Variants in SH3KBP1 observed in about 807,000 individuals in gnomAD.
The protein encoded by SH3KBP1 is SH3 domain containing kinase binding protein 1.
A neutral mutation model predicts 50.1 loss-of-function variants in SH3KBP1; 8 were observed. The ratio of observed to expected loss-of-function variants is 0.16; its 90% CI spans 0.09 to 0.29. SH3KBP1 has a LOEUF of 0.29. SH3KBP1 is among the 10% of genes least tolerant of loss of function. The probability of loss-of-function intolerance (pLI) is 1.00; values close to 1 mark genes in which losing one functional copy is unlikely to be tolerated. For synonymous variants in SH3KBP1, 227 were observed against 218.6 expected (o/e 1.04, Z -0.34); for missense variants, 377 against 535.2 (o/e 0.70, Z 2.92).
In SH3KBP1 at chrX:19,670,663, A is replaced by G. The variant is rs2062765312; in HGVS notation, c.726+13160T>C. Among the ~76,000 whole-genome samples, 4 of 109,952 alleles carry G rather than the reference A, an allele frequency of 3.6e-5. No individual in the cohort carries two copies. In the Admixed American group the frequency reaches 3.9e-4, roughly 11 times the overall value. On this transcript the variant is annotated intron_variant, in intron 6 of 17. Coordinates refer to ENST00000397821, the MANE Select transcript of SH3KBP1 (RefSeq NM_031892.3). The stretch of plus-strand genomic sequence containing the variant: ...CCAGAGTGACATTCAGCTTTAGCAA[A>G]TAATCCGTATACTTGATAGGTTCCT...
chrX:19,556,106 G>A (rs1453254272), intron 13 of SH3KBP1, among the ~76,000 whole-genome samples: 7 of 111,810 alleles, frequency 6.3e-5, no homozygotes, highest in African/African-American at 2.3e-4. Flanking sequence ...TTTTCCAGCA[G>A]GAAAAAAATG....
intron 3 of SH3KBP1, among the ~76,000 whole-genome samples, chrX:19,713,405 G>A (rs747553148): frequency 3.7e-5 from 4 of 108,950 alleles, no homozygotes; most frequent in South Asian, 8.0e-4. Flanking sequence ...TGGGACTACC[G>A]ATGTGAGCTA....
In SH3KBP1 at chrX:19,594,234, A is replaced by G. The variant is rs1484820300; in HGVS notation, c.1057+715T>C. ...ATAACTCATGGAGGAATTTTTCCCTATAATTAATTTTAACTATTATAAAGA... is the reference window on the plus strand; with the variant it reads ...ATAACTCATGGAGGAATTTTTCCCTGTAATTAATTTTAACTATTATAAAGA... On this transcript the variant is annotated intron_variant, in intron 10 of 17. Transcript: ENST00000397821. Among the ~76,000 whole-genome samples, 9 of 112,108 alleles carry G rather than the reference A, an allele frequency of 8.0e-5. No homozygotes were observed. The East Asian group carries it at 2.5e-3, about 31-fold the overall frequency.
intron 1 of SH3KBP1, among the ~76,000 whole-genome samples, chrX:19,868,117 T>C (rs1430068025): frequency 3.6e-5 from 4 of 112,218 alleles, no homozygotes; most frequent in Non-Finnish European, 7.5e-5. Flanking sequence ...GAGGTGATTA[T>C]TGCACACAAG....
At chrX:19,699,799 AC>A (rs1407505353) in intron 4 of SH3KBP1, among the ~76,000 whole-genome samples, 1 of 111,626 alleles carries the variant, frequency 9.0e-6, no homozygotes, top group Non-Finnish European at 1.9e-5. Flanking sequence ...CCCTTCTTGC[AC>A]CCCATTTGTA....
intron 6 of SH3KBP1, among the ~76,000 whole-genome samples, chrX:19,651,533 A>T (rs1019310392): frequency 4.4e-5 from 5 of 112,508 alleles, no homozygotes; most frequent in African/African-American, 1.3e-4. Flanking sequence ...AATAAAATTT[A>T]AAAAGTAATT....
At chrX:19,611,971 A>C (rs1323605485) in intron 8 of SH3KBP1, among the ~76,000 whole-genome samples, 1 of 108,409 alleles carries the variant, frequency 9.2e-6, no homozygotes, top group Admixed American at 9.9e-5. Flanking sequence ...AAAAAAAAAA[A>C]AAAAAAACAA....
chrX:19,629,626 C>T (rs2061532154), intron 8 of SH3KBP1, among the ~76,000 whole-genome samples: 1 of 111,135 alleles, frequency 9.0e-6, no homozygotes, highest in Non-Finnish European at 1.9e-5. Flanking sequence ...CAGGAAGTGG[C>T]AGGGATAGAG....
chrX:19,730,682 T>C (rs1043467806), intron 3 of SH3KBP1, among the ~76,000 whole-genome samples: 2 of 111,584 alleles, frequency 1.8e-5, no homozygotes, highest in Non-Finnish European at 3.8e-5. Context: ...CTTAGAACAA[T>C]ACTAATCATT....
chrX:19,692,199 C>T (rs142234991), intron 5 of SH3KBP1, among the ~76,000 whole-genome samples: 2,536 of 111,309 alleles, frequency 0.023, 83 homozygotes, highest in African/African-American at 0.078. Context: ...CCAATACAAT[C>T]GTTGCAATTC....
intron 13 of SH3KBP1, among the ~76,000 whole-genome samples, chrX:19,551,550 C>CTTTTTTTTTTTT (rs397800260): frequency 3.2e-5 from 3 of 95,151 alleles, no homozygotes; most frequent in African/African-American, 8.6e-5. Context: ...CTCCCTCCCT[C>CTTTTTTTTTTTT]TTTTTTTTTT....
At chrX:19,639,907 CTTTTTTT>C (rs377700054) in intron 7 of SH3KBP1, among the ~76,000 whole-genome samples, 3 of 83,154 alleles carry the variant, frequency 3.6e-5, no homozygotes, top group South Asian at 5.9e-4. Context: ...AGAGTTGACT[CTTTTTTT>C]TTTTTTTTTT....
chrX:19,794,866 A>G (rs758275689), intron 2 of SH3KBP1, among the ~76,000 whole-genome samples: 98 of 111,462 alleles, frequency 8.8e-4, no homozygotes, highest in Non-Finnish European at 1.7e-3. Context: ...CCATTCATTC[A>G]GCAAATCCTT....
intron 2 of SH3KBP1, among the ~76,000 whole-genome samples, chrX:19,767,592 C>T (rs1243376080): frequency 9.0e-6 from 1 of 110,504 alleles, no homozygotes; most frequent in Non-Finnish European, 1.9e-5. Flanking sequence ...TAGCACCAGC[C>T]CTGTCCCACC....
intron 1 of SH3KBP1, among the ~76,000 whole-genome samples, chrX:19,862,701 T>C (rs1409527823): frequency 9.0e-5 from 10 of 111,704 alleles, no homozygotes. Context: ...AGTTTTTTCA[T>C]AATACCCATT....
At chrX:19,551,073 A>G (rs570761818) in intron 13 of SH3KBP1, among the ~76,000 whole-genome samples, 2 of 111,896 alleles carry the variant, frequency 1.8e-5, no homozygotes, top group African/African-American at 6.5e-5. Flanking sequence ...GCTGTATGAC[A>G]GCTTTATTCT....
chrX:19,591,398 C>T (rs2066744990), intron 11 of SH3KBP1, among the ~76,000 whole-genome samples: 1 of 111,415 alleles, frequency 9.0e-6, no homozygotes, highest in South Asian at 3.8e-4. Context: ...GGGAGAGACT[C>T]TCAAAATGGT....
chrX:19,872,252 C>CAAAAAAAAAAAAAAAAAAAAAAAAAAAAA (rs67033348), intron 1 of SH3KBP1, among the ~76,000 whole-genome samples: 2 of 37,962 alleles, frequency 5.3e-5, no homozygotes, highest in Non-Finnish European at 9.2e-5. Context: ...AACTTCATCT[C>CAAAAAAAAAAAAAAAAAAAAAAAAAAAAA]AAAAAAAAAA....
At chrX:19,758,881 A>AT (rs1305251317) in intron 2 of SH3KBP1, among the ~76,000 whole-genome samples, 1 of 111,771 alleles carries the variant, frequency 8.9e-6, no homozygotes, top group Non-Finnish European at 1.9e-5. Flanking sequence ...CAGGCATTCA[A>AT]TGAATGTTAG....
Sources: allele counts gnomAD v4.1 joint callset (sites outside exome capture counted in the v4.1 genomes callset), GRCh38; gene constraint gnomAD v4.1.1; transcripts MANE v1.5; gene names NCBI Gene and HGNC (gene_info 2026-07-23, HGNC 2026-07-21).